Variants in SAMTOR observed in about 807,000 individuals in gnomAD.
SAMTOR encodes the protein S-adenosylmethionine sensor upstream of mTORC1.
the SAMTOR span, among the ~76,000 whole-genome samples, chr7:112,892,245 T>C: frequency 5.3e-5 from 8 of 151,184 alleles, no homozygotes; most frequent in Admixed American, 2.0e-4. Context: ...GCTCCACTTC[T>C]AATTCTAGTT....
the SAMTOR span, among the ~76,000 whole-genome samples, chr7:112,926,220 G>A: frequency 6.6e-6 from 1 of 152,194 alleles, no homozygotes; most frequent in Non-Finnish European, 1.5e-5. Context: ...TCTACCATGG[G>A]TGAGGACAAA....
chr7:112,847,227 CA>C, the SAMTOR span, among the ~76,000 whole-genome samples: 2 of 152,050 alleles, frequency 1.3e-5, no homozygotes, highest in Admixed American at 1.3e-4. Flanking sequence ...ATCTGGATTT[CA>C]AAAAAATTGC....
At chr7:112,906,329 T>C in the SAMTOR span, among the ~76,000 whole-genome samples, 1 of 152,168 alleles carries the variant, frequency 6.6e-6, no homozygotes, top group Non-Finnish European at 1.5e-5. Flanking sequence ...TATAATCTTA[T>C]GGGACTACCA....
At chr7:112,877,100 T>C in the SAMTOR span, among the ~76,000 whole-genome samples, 3 of 152,190 alleles carry the variant, frequency 2.0e-5, no homozygotes, top group South Asian at 4.1e-4. Flanking sequence ...GGAAGAAACA[T>C]GCTCTATTTA....
the SAMTOR span, among the ~76,000 whole-genome samples, chr7:112,841,082 A>T: frequency 6.6e-6 from 1 of 151,944 alleles, no homozygotes; most frequent in East Asian, 1.9e-4. Context: ...GTTCTGGCCA[A>T]GGCAATCCGG....
chr7:112,933,556 T>C, the SAMTOR span, among the ~76,000 whole-genome samples: 1 of 152,234 alleles, frequency 6.6e-6, no homozygotes, highest in African/African-American at 2.4e-5. Flanking sequence ...ACTGTATTTT[T>C]ATGACAGAAA....
chr7:112,833,715 T>TTATGG, the SAMTOR span, among the ~76,000 whole-genome samples: 1 of 152,236 alleles, frequency 6.6e-6, no homozygotes, highest in Admixed American at 6.5e-5. Context: ...TACTTCAACA[T>TTATGG]TATGGAACAA....
At chr7:112,876,905 C>G in the SAMTOR span, among the ~76,000 whole-genome samples, 1 of 152,120 alleles carries the variant, frequency 6.6e-6, no homozygotes, top group Non-Finnish European at 1.5e-5. Flanking sequence ...GCGAGTCATC[C>G]TTCAAGGTTC....
At chr7:112,846,124 G>A in the SAMTOR span, among the ~76,000 whole-genome samples, 3 of 142,366 alleles carry the variant, frequency 2.1e-5, no homozygotes, top group Non-Finnish European at 4.5e-5. Context: ...TAGCACCTGG[G>A]TAACAAAACA....
chr7:112,839,918 T>G, the SAMTOR span, among the ~76,000 whole-genome samples: 1 of 151,934 alleles, frequency 6.6e-6, no homozygotes, highest in African/African-American at 2.4e-5. Context: ...AAGCCTCATG[T>G]TTTGGATATC....
the SAMTOR span, chr7:112,895,744 A>C: frequency 6.7e-7 from 1 of 1,491,986 alleles, no homozygotes. Flanking sequence ...CATACACTAC[A>C]AGTAAAAATA....
the SAMTOR span, among the ~76,000 whole-genome samples, chr7:112,910,070 A>C: frequency 6.6e-6 from 1 of 152,020 alleles, no homozygotes; most frequent in Non-Finnish European, 1.5e-5. Flanking sequence ...CTACAGAGCA[A>C]GAAAGTGCTC....
At chr7:112,824,403 C>T in the SAMTOR span, among the ~76,000 whole-genome samples, 24 of 151,938 alleles carry the variant, frequency 1.6e-4, no homozygotes, top group South Asian at 5.0e-3. Flanking sequence ...CTCTGTTGCC[C>T]AGACTGGAGT....
the SAMTOR span, among the ~76,000 whole-genome samples, chr7:112,859,967 C>A: frequency 6.6e-6 from 1 of 152,162 alleles, no homozygotes; most frequent in Non-Finnish European, 1.5e-5. Context: ...CCTTCACATT[C>A]ACTCACCACT....
the SAMTOR span, among the ~76,000 whole-genome samples, chr7:112,913,688 T>C: frequency 2.6e-5 from 4 of 152,166 alleles, no homozygotes; most frequent in Non-Finnish European, 5.9e-5. Context: ...TCTACCTCTC[T>C]CCCTCTGTCA....
the SAMTOR span, among the ~76,000 whole-genome samples, chr7:112,883,974 G>A: frequency 6.6e-6 from 1 of 152,242 alleles, no homozygotes; most frequent in South Asian, 2.1e-4. Context: ...ATTCAGCATG[G>A]CTGGGGAGGC....
At chr7:112,913,466 G>T in the SAMTOR span, among the ~76,000 whole-genome samples, 4 of 152,134 alleles carry the variant, frequency 2.6e-5, no homozygotes, top group Non-Finnish European at 2.9e-5. Flanking sequence ...TTTTCTAACT[G>T]GGTTCCCTTA....
the SAMTOR span, among the ~76,000 whole-genome samples, chr7:112,894,267 A>ACATTTATT: frequency 6.6e-6 from 1 of 152,106 alleles, no homozygotes; most frequent in South Asian, 2.1e-4. Context: ...AACATACATG[A>ACATTTATT]CATTTATTGA....
At chr7:112,923,881 A>G in the SAMTOR span, among the ~76,000 whole-genome samples, 19 of 152,368 alleles carry the variant, frequency 1.2e-4, 2 homozygotes, top group South Asian at 3.5e-3. Flanking sequence ...TGATGAGTTC[A>G]TGTCCTTTGT....
Sources: gnomAD v4.1 joint callset for allele counts (sites outside exome capture counted in the v4.1 genomes callset) on GRCh38, gnomAD v4.1.1 for gene constraint, MANE v1.5 for transcripts, NCBI Gene and HGNC (gene_info 2026-07-23, HGNC 2026-07-21) for gene names.